The following WSB2 variants were observed in gnomAD, a reference collection of about 807,000 sequenced individuals.
The protein encoded by WSB2 is WD repeat and SOCS box containing 2.
In WSB2, 12 loss-of-function variants were observed where a neutral mutation model predicts 48.8. The ratio of observed to expected loss-of-function variants is 0.25; its 90% CI spans 0.16 to 0.40. WSB2 has a LOEUF of 0.40. WSB2 is among the 10% of genes least tolerant of loss of function. The pLI is 1.00. For missense variants in WSB2, 317 were observed against 506.2 expected, an observed-to-expected ratio of 0.63 and a Z score of 3.59; for synonymous variants, 191 against 203.1, an observed-to-expected ratio of 0.94 and a Z score of 0.51.
intron 1 of WSB2, among the ~76,000 whole-genome samples, chr12:118,054,224 A>T (rs1225253083): frequency 6.7e-6 from 1 of 148,626 alleles, no homozygotes; most frequent in Non-Finnish European, 1.5e-5. Context: ...ATCCAAAAAA[A>T]AAAAAAAAAA....
intron 2 of WSB2, among the ~76,000 whole-genome samples, chr12:118,051,322 C>A (rs2031848506): frequency 6.6e-6 from 1 of 152,194 alleles, no homozygotes; most frequent in Non-Finnish European, 1.5e-5. Context: ...CACAGGTTTT[C>A]TATAAATGTT....
intron 4 of WSB2, 129 bp downstream of exon 4, chr12:118,042,712 G>A: frequency 6.9e-7 from 1 of 1,455,084 alleles, no homozygotes; most frequent in Non-Finnish European, 9.2e-7. Context: ...TGTCTAAAAG[G>A]CTCCTTAAGG....
chr12:118,045,167 G>A (rs534667901), intron 2 of WSB2, among the ~76,000 whole-genome samples: 131 of 151,802 alleles, frequency 8.6e-4, no homozygotes, highest in Non-Finnish European at 1.3e-3. Flanking sequence ...ACGAGGTCAG[G>A]AGATCGAGAC....
At position 118,034,068 on chromosome 12, in the gene WSB2, A is replaced by G; in HGVS notation, c.*128T>C. The G allele has an allele frequency of 7.7e-7, 1 of 1,297,162 alleles. No homozygotes were observed. The highest frequency in any genetic ancestry group is 1.4e-5 in the South Asian group (1 of 73,614). 80.4% of individuals were successfully genotyped at this position (1,297,162 alleles called of 1,614,324 possible). A position where few individuals can be genotyped will look rare whatever the true frequency, so the allele number is the denominator to read the frequency against. The stretch of plus-strand genomic sequence containing the variant: ...TAGTACACTGGAATCTGGTTTTGCT[A>G]CATTCTATTCACAATCCCAAAGAAA... On this transcript the variant is annotated 3_prime_UTR_variant, in exon 9 of 9. Transcript: ENST00000315436.
intron 4 of WSB2, among the ~76,000 whole-genome samples, chr12:118,039,507 T>G (rs1023195399): frequency 6.6e-6 from 1 of 151,948 alleles, no homozygotes; most frequent in African/African-American, 2.4e-5. Flanking sequence ...GTGCACAGGA[T>G]TATACAAGTA....
At chr12:118,052,269 T>C in intron 2 of WSB2, 41 bp downstream of exon 2, 2 of 1,601,106 alleles carry the variant, frequency 1.2e-6, no homozygotes, top group Middle Eastern at 1.7e-4. Flanking sequence ...AAGGAGTGTT[T>C]GGAAATGCGC....
chr12:118,058,236 T>C (rs2031997968), intron 1 of WSB2, among the ~76,000 whole-genome samples: 1 of 152,212 alleles, frequency 6.6e-6, no homozygotes, highest in Non-Finnish European at 1.5e-5. Flanking sequence ...TCCACCGGCC[T>C]CAAAAGCTTT....
At chr12:118,040,487 G>A (rs11068782) in intron 4 of WSB2, among the ~76,000 whole-genome samples, 6,220 of 152,094 alleles carry the variant, frequency 0.041, 411 homozygotes, top group African/African-American at 0.14. Flanking sequence ...CCAGCCGAGC[G>A]TGGTACCTCA....
intron 5 of WSB2, among the ~76,000 whole-genome samples, chr12:118,036,791 G>C (rs771224771): frequency 5.9e-5 from 9 of 152,218 alleles, no homozygotes; most frequent in Admixed American, 2.0e-4. Flanking sequence ...CGCATGTGCA[G>C]AGACTTCTGA....
In WSB2 at chr12:118,053,236, G is replaced by A. The variant is rs143606734; in HGVS notation, c.14-758C>T. On this transcript the variant is annotated intron_variant, in intron 1 of 8. Coordinates refer to ENST00000315436, the MANE Select transcript of WSB2 (RefSeq NM_018639.5). Reference sequence around the variant, plus strand: ...CACATGCCATCTGCCCCAGCCCATCGGTCCAACCTCCTTCCCTTGTCCCCT... The same window carrying A: ...CACATGCCATCTGCCCCAGCCCATCAGTCCAACCTCCTTCCCTTGTCCCCT... Among the ~76,000 whole-genome samples the A allele has an allele frequency of 1.6e-3, 236 of 152,144 alleles. 2 individuals carry two copies. The highest frequency in any genetic ancestry group is 5.6e-3 in the African/African-American group (233 of 41,512).
intron 1 of WSB2, among the ~76,000 whole-genome samples, chr12:118,058,122 C>T (rs116646014): frequency 1.3e-5 from 2 of 152,080 alleles, no homozygotes; most frequent in African/African-American, 4.8e-5. Context: ...TTATAAGCCT[C>T]TTCTAGGCAA....
intron 2 of WSB2, among the ~76,000 whole-genome samples, chr12:118,044,875 A>G (rs2031714222): frequency 6.6e-6 from 1 of 152,138 alleles, no homozygotes; most frequent in African/African-American, 2.4e-5. Flanking sequence ...AGAAAGCTGA[A>G]CGCCAGGATG....
chr12:118,062,157 C>T, upstream of WSB2: 1 of 1,535,452 alleles, frequency 6.5e-7, no homozygotes, highest in Non-Finnish European at 8.7e-7. Context: ...CCCTGTCTAC[C>T]CGCATAGCCT....
At chr12:118,034,431 T>C in intron 8 of WSB2, 73 bp from the exon 9 acceptor site, 1 of 1,548,456 alleles carries the variant, frequency 6.5e-7, no homozygotes. Flanking sequence ...AATACTCATG[T>C]TTCTGTTTTG....
rs368693869 is a variant in WSB2 at position 118,034,574 on chromosome 12, G to GCT, written c.1053-218_1053-217dup. ...CTCAAGACACCTGTGATACCAAAGC[G>GCT]CTCTCTCTGTCTCTCTCTCGGCACA... On this transcript the variant is annotated intron_variant, in intron 8 of 8. Transcript: ENST00000315436. The GCT allele has an allele frequency of 5.3e-3, 2,784 of 529,476 alleles. 48 individuals are homozygous for GCT. Among genetic ancestry groups the GCT allele is most frequent in the African/African-American group, 0.048 (2,463 of 51,824 alleles). 32.8% of individuals were successfully genotyped at this position (529,476 alleles called of 1,614,324 possible). A position where few individuals can be genotyped will look rare whatever the true frequency, so the allele number is the denominator to read the frequency against.
intron 1 of WSB2, chr12:118,052,714 A>T (rs1247696381): frequency 3.4e-6 from 2 of 592,872 alleles, no homozygotes; most frequent in African/African-American, 1.9e-5. Context: ...CTTTGTGCCC[A>T]TGAACCCAGT....
At chr12:118,057,168 AAAAC>A (rs774187397) in intron 1 of WSB2, among the ~76,000 whole-genome samples, 5 of 152,186 alleles carry the variant, frequency 3.3e-5, no homozygotes, top group Admixed American at 1.3e-4. Flanking sequence ...ACTTAAAAAC[AAAAC>A]AAACAAACAA....
chr12:118,038,703 C>T (rs2031566093), intron 4 of WSB2, among the ~76,000 whole-genome samples: 2 of 152,132 alleles, frequency 1.3e-5, no homozygotes, highest in South Asian at 4.1e-4. Flanking sequence ...GAGATGGAGT[C>T]TTGCTCTTGC....
intron 1 of WSB2, among the ~76,000 whole-genome samples, chr12:118,059,594 C>G (rs558862426): frequency 2.0e-5 from 3 of 152,132 alleles, no homozygotes; most frequent in Admixed American, 6.5e-5. Context: ...CCCACACCCT[C>G]AAAACGAAGT....
Sources: gnomAD v4.1 joint callset for allele counts (sites outside exome capture counted in the v4.1 genomes callset) on GRCh38, gnomAD v4.1.1 for gene constraint, MANE v1.5 for transcripts, NCBI Gene and HGNC (gene_info 2026-07-23, HGNC 2026-07-21) for gene names.